Variants in LTBP1 observed in about 807,000 individuals in gnomAD.
LTBP1 encodes the protein latent-transforming growth factor beta-binding protein 1.
A neutral mutation model predicts 207.6 loss-of-function variants in LTBP1; 129 were observed. That is an observed-to-expected ratio of 0.62 (90% CI 0.54 to 0.72). LTBP1 has a LOEUF of 0.72. Among genes scored for constraint, LTBP1 ranks in the 30% least tolerant of loss-of-function variants. The pLI, the probability that LTBP1 is intolerant of heterozygous loss-of-function variation, is 0.00. For missense variants in LTBP1, 2,281 were observed against 2,217.2 expected, an observed-to-expected ratio of 1.03 and a Z score of -0.58; for synonymous variants, 963 against 833.7, an observed-to-expected ratio of 1.16 and a Z score of -2.67.
chr2:32,958,704 T>C (rs573440578), intron 2 of LTBP1, among the ~76,000 whole-genome samples: 125 of 152,354 alleles, frequency 8.2e-4, no homozygotes, highest in African/African-American at 2.9e-3. Flanking sequence ...TTTTCTTTTC[T>C]TTGTTTACTC....
At chr2:32,994,358 C>T (rs983332569) in intron 2 of LTBP1, among the ~76,000 whole-genome samples, 1 of 152,084 alleles carries the variant, frequency 6.6e-6, no homozygotes, top group Non-Finnish European at 1.5e-5. Flanking sequence ...GAAACTGAGG[C>T]ACCAAGGGAT....
intron 7 of LTBP1, among the ~76,000 whole-genome samples, chr2:33,210,539 A>G (rs978630581): frequency 8.5e-5 from 13 of 152,154 alleles, no homozygotes; most frequent in Non-Finnish European, 8.8e-5. Flanking sequence ...TAATTATTTA[A>G]TTGGAAGCAA....
intron 7 of LTBP1, 92 bp downstream of exon 7, chr2:33,188,943 A>T: frequency 2.1e-6 from 3 of 1,416,312 alleles, no homozygotes; most frequent in South Asian, 2.8e-5. Flanking sequence ...ATGCTTTTTT[A>T]AAAAAAAGGC....
At chr2:33,049,549 C>T (rs772995952) in intron 3 of LTBP1, among the ~76,000 whole-genome samples, 2 of 152,114 alleles carry the variant, frequency 1.3e-5, no homozygotes, top group Non-Finnish European at 2.9e-5. Context: ...AAATGAAACC[C>T]ATTCAATCAT....
At chr2:33,016,837 A>G (rs1688449312) in intron 2 of LTBP1, among the ~76,000 whole-genome samples, 1 of 152,236 alleles carries the variant, frequency 6.6e-6, no homozygotes, top group Admixed American at 6.5e-5. Flanking sequence ...AGCCTGGCCA[A>G]CATGGCGAAA....
intron 5 of LTBP1, among the ~76,000 whole-genome samples, chr2:33,146,830 T>A (rs2083087799): frequency 1.3e-5 from 2 of 152,298 alleles, no homozygotes; most frequent in Non-Finnish European, 1.5e-5. Context: ...GCCCCCATGA[T>A]CCAATCACCT....
At chr2:32,979,116 G>C (rs532373964) in intron 2 of LTBP1, among the ~76,000 whole-genome samples, 2 of 150,918 alleles carry the variant, frequency 1.3e-5, no homozygotes, top group Admixed American at 1.3e-4. Flanking sequence ...GAGATTTATT[G>C]ATTTTGTTTA....
intron 3 of LTBP1, among the ~76,000 whole-genome samples, chr2:33,033,884 C>CCTTTAA: frequency 6.6e-6 from 1 of 152,274 alleles, no homozygotes; most frequent in African/African-American, 2.4e-5. Context: ...TTTCAGCAGG[C>CCTTTAA]AGAAGCCTTT....
chr2:32,973,318 G>A (rs1316674580), intron 2 of LTBP1, among the ~76,000 whole-genome samples: 1 of 152,008 alleles, frequency 6.6e-6, no homozygotes, highest in African/African-American at 2.4e-5. Context: ...GAATCTGGGT[G>A]CTTCTTTGTT....
chr2:33,168,837 CAT>C (rs2085164178), intron 5 of LTBP1, among the ~76,000 whole-genome samples: 1 of 152,180 alleles, frequency 6.6e-6, no homozygotes, highest in African/African-American at 2.4e-5. Flanking sequence ...ATTTCCAACT[CAT>C]AGTGATTTTG....
intron 32 of LTBP1, 73 bp from the exon 33 acceptor site, chr2:33,397,060 A>G (rs2095365144): frequency 6.4e-6 from 9 of 1,403,888 alleles, no homozygotes; most frequent in South Asian, 3.9e-5. Context: ...ATGAACCATC[A>G]TCTAAATATC....
intron 3 of LTBP1, among the ~76,000 whole-genome samples, chr2:33,028,110 C>A (rs1351819253): frequency 6.6e-6 from 1 of 152,064 alleles, no homozygotes; most frequent in African/African-American, 2.4e-5. Flanking sequence ...GAAGAGTAGA[C>A]CATGGCATGG....
chr2:33,326,712 G>T (rs920944708), intron 24 of LTBP1, among the ~76,000 whole-genome samples: 2 of 146,010 alleles, frequency 1.4e-5, no homozygotes, highest in African/African-American at 5.3e-5. Context: ...AGGCTGGAGT[G>T]CAGTGGTGCA....
chr2:33,309,373 A>G (rs2094147339), intron 22 of LTBP1, 61 bp from the exon 23 acceptor site: 1 of 1,188,012 alleles, frequency 8.4e-7, no homozygotes, highest in Non-Finnish European at 1.2e-6. Context: ...TGTAAGAGAA[A>G]TGTCTAATTT....
intron 4 of LTBP1, among the ~76,000 whole-genome samples, chr2:33,122,743 G>A (rs904915621): frequency 3.3e-5 from 5 of 152,162 alleles, no homozygotes; most frequent in African/African-American, 4.8e-5. Flanking sequence ...CAAGTGCTGT[G>A]GATTCTGAAC....
chr2:33,210,945 T>G (rs1436920656), intron 7 of LTBP1, among the ~76,000 whole-genome samples: 1 of 152,230 alleles, frequency 6.6e-6, no homozygotes, highest in East Asian at 1.9e-4. Flanking sequence ...TTTCCCTCAG[T>G]GCAGTCTCTA....
At chr2:33,261,177 G>T (rs1333040935) in intron 13 of LTBP1, among the ~76,000 whole-genome samples, 1 of 152,152 alleles carries the variant, frequency 6.6e-6, no homozygotes, top group Non-Finnish European at 1.5e-5. Context: ...CCTGCTTCTC[G>T]ACTGGACCGT....
At chr2:33,186,764 T>C in intron 5 of LTBP1, 92 bp from the exon 6 acceptor site, 2 of 916,944 alleles carry the variant, frequency 2.2e-6, no homozygotes, top group Non-Finnish European at 3.4e-6. Flanking sequence ...ATGCCTATAA[T>C]GGGCTGTATG....
intron 7 of LTBP1, among the ~76,000 whole-genome samples, chr2:33,205,616 A>G (rs578108864): frequency 7.2e-5 from 11 of 152,238 alleles, no homozygotes; most frequent in African/African-American, 2.6e-4. Context: ...AGGGAACGAG[A>G]GGTTCTGCAA....
Sources: gnomAD v4.1 joint callset for allele counts (sites outside exome capture counted in the v4.1 genomes callset) on GRCh38, gnomAD v4.1.1 for gene constraint, MANE v1.5 for transcripts, NCBI Gene and HGNC (gene_info 2026-07-23, HGNC 2026-07-21) for gene names.